Variants in CPA6 observed in about 807,000 individuals in gnomAD.
The protein encoded by CPA6 is carboxypeptidase B.
CPA6 carries 58 observed loss-of-function variants against 63.3 expected under a neutral mutation model. The observed-to-expected ratio is 0.92, with a 90% CI of 0.74 to 1.14. The LOEUF is 1.14. Among genes scored for constraint, CPA6 ranks in the 50% most tolerant of loss-of-function variants. The pLI is 0.00. For missense variants in CPA6, 565 were observed against 526.6 expected, an observed-to-expected ratio of 1.07 and a Z score of -0.71; for synonymous variants, 185 against 179.0, an observed-to-expected ratio of 1.03 and a Z score of -0.27.
chr8:67,610,060 A>AAAAC (rs1250381811), intron 2 of CPA6, among the ~76,000 whole-genome samples: 1 of 135,508 alleles, frequency 7.4e-6, no homozygotes, highest in Non-Finnish European at 1.6e-5. Flanking sequence ...AAAACAAAAC[A>AAAAC]AAAACCCCCC....
At chr8:67,571,433 G>A (rs1813483251) in intron 2 of CPA6, among the ~76,000 whole-genome samples, 1 of 152,152 alleles carries the variant, frequency 6.6e-6, no homozygotes, top group Admixed American at 6.5e-5. Flanking sequence ...ACATTCTCTA[G>A]GGTAGATCAT....
At chr8:67,542,259 T>C (rs1411199281) in intron 2 of CPA6, among the ~76,000 whole-genome samples, 1 of 152,244 alleles carries the variant, frequency 6.6e-6, no homozygotes, top group Non-Finnish European at 1.5e-5. Flanking sequence ...GACTGCTCTG[T>C]TCCAGTAGTC....
chr8:67,651,402 T>C lies in CPA6; in HGVS notation c.117-27151A>G, dbSNP rs192879910. Among the ~76,000 whole-genome samples, 556 of 152,316 alleles carry C rather than the reference T, an allele frequency of 3.7e-3. 3 individuals are homozygous for C. The highest frequency in any genetic ancestry group is 6.4e-3 in the Non-Finnish European group (438 of 68,010). On this transcript the variant is annotated intron_variant, in intron 1 of 10. Transcript: ENST00000297770. Reference sequence around the variant, plus strand: ...ATGGCAAACATCAGAAACCTCGGCCTCTATACTGGCTTCTCTTCTGCCTCA... The same window carrying C: ...ATGGCAAACATCAGAAACCTCGGCCCCTATACTGGCTTCTCTTCTGCCTCA...
In CPA6 at chr8:67,632,948, A is replaced by G. The variant is rs900626491; in HGVS notation, c.117-8697T>C. On this transcript the variant is annotated intron_variant, in intron 1 of 10. Coordinates refer to ENST00000297770, the MANE Select transcript of CPA6 (RefSeq NM_020361.5). ...TATACCTATTAAGCATATTGATTAT[A>G]TGATTTTCATTTACTGTGTCCTTAT... Among the ~76,000 whole-genome samples, 10 of 152,238 alleles carry G rather than the reference A, an allele frequency of 6.6e-5. No individual in the cohort carries two copies. In the East Asian group the frequency reaches 1.5e-3, roughly 23 times the overall value.
At chr8:67,511,490 T>G (rs764839895) in intron 4 of CPA6, 51 bp downstream of exon 4, 2 of 1,010,172 alleles carry the variant, frequency 2.0e-6, no homozygotes, top group Non-Finnish European at 3.2e-6. Context: ...TAGACCTAAA[T>G]GATAAAGATG....
chr8:67,518,140 G>GT, intron 2 of CPA6, 93 bp from the exon 3 acceptor site: 1 of 1,206,590 alleles, frequency 8.3e-7, no homozygotes, highest in South Asian at 2.0e-5. Flanking sequence ...TTTGCATATA[G>GT]TAACACCAAA....
intron 2 of CPA6, among the ~76,000 whole-genome samples, chr8:67,584,424 C>G (rs902097344): frequency 2.0e-5 from 3 of 152,030 alleles, no homozygotes; most frequent in African/African-American, 7.3e-5. Context: ...GGCTTGGGTG[C>G]AGATGTGAAG....
chr8:67,601,713 T>C (rs899512261), intron 2 of CPA6, among the ~76,000 whole-genome samples: 1 of 152,218 alleles, frequency 6.6e-6, no homozygotes, highest in Non-Finnish European at 1.5e-5. Flanking sequence ...CTGAGTTAAA[T>C]AGCTTGATTG....
chr8:67,484,285 G>C (rs1811426717), intron 7 of CPA6, among the ~76,000 whole-genome samples: 1 of 151,520 alleles, frequency 6.6e-6, no homozygotes, highest in South Asian at 2.1e-4. Context: ...TGTTAGCCAG[G>C]ATGGTCTCGA....
chr8:67,453,133 G>A (rs1004506542), intron 8 of CPA6, among the ~76,000 whole-genome samples: 29 of 151,852 alleles, frequency 1.9e-4, no homozygotes, highest in Admixed American at 1.8e-3. Flanking sequence ...GTGGCAGGGG[G>A]GCAAGGGTAG....
chr8:67,726,296 T>G (rs994959568), intron 1 of CPA6, among the ~76,000 whole-genome samples: 1 of 152,164 alleles, frequency 6.6e-6, no homozygotes, highest in Non-Finnish European at 1.5e-5. Context: ...AAGAGGAATT[T>G]TATCAAGCAG....
At chr8:67,631,626 A>G (rs572096896) in intron 1 of CPA6, among the ~76,000 whole-genome samples, 2 of 152,342 alleles carry the variant, frequency 1.3e-5, no homozygotes, top group African/African-American at 4.8e-5. Context: ...AGGGAATAAA[A>G]GCAGGCTGTG....
In CPA6 at chr8:67,595,664, C is replaced by T. The variant is rs575845964; in HGVS notation, c.192+28512G>A. On this transcript the variant is annotated intron_variant, in intron 2 of 10. Coordinates refer to ENST00000297770, the MANE Select transcript of CPA6 (RefSeq NM_020361.5). Reference sequence around the variant, plus strand: ...GCTGTGCTAGCAATCAGCGAGACTCCGTGGGTGTAGGACCTTCCGAGCCAG... The same window carrying T: ...GCTGTGCTAGCAATCAGCGAGACTCTGTGGGTGTAGGACCTTCCGAGCCAG... 1.2e-3 allele frequency among the ~76,000 whole-genome samples: 186 copies of T among 152,154 alleles called. 1 individual carries two copies. Among genetic ancestry groups the T allele is most frequent in the African/African-American group, 3.9e-3 (162 of 41,434 alleles).
intron 2 of CPA6, among the ~76,000 whole-genome samples, chr8:67,546,276 A>G (rs1812817219): frequency 6.6e-6 from 1 of 152,228 alleles, no homozygotes; most frequent in Admixed American, 6.5e-5. Context: ...TTCCTGGTAA[A>G]TCTGCCCCTG....
chr8:67,733,188 C>A (rs1458124060), intron 1 of CPA6, among the ~76,000 whole-genome samples: 10 of 87,584 alleles, frequency 1.1e-4, no homozygotes, highest in African/African-American at 5.9e-4. Flanking sequence ...CAGAGCGAGA[C>A]TCCATCTCAA....
chr8:67,431,161 T>C (rs1810019199), intron 9 of CPA6, among the ~76,000 whole-genome samples: 1 of 151,654 alleles, frequency 6.6e-6, no homozygotes, highest in Admixed American at 6.6e-5. Flanking sequence ...ATCCATTTTA[T>C]GCCACATGTT....
At chr8:67,535,265 C>T (rs181263609) in intron 2 of CPA6, among the ~76,000 whole-genome samples, 314 of 152,198 alleles carry the variant, frequency 2.1e-3, no homozygotes, top group Non-Finnish European at 3.8e-3. Flanking sequence ...GGTTCTAGAT[C>T]CTTGAGGAAT....
intron 2 of CPA6, among the ~76,000 whole-genome samples, chr8:67,553,428 T>C (rs1812993594): frequency 6.6e-6 from 1 of 152,156 alleles, no homozygotes; most frequent in South Asian, 2.1e-4. Flanking sequence ...TATTATAAGT[T>C]CTCAAGCTAA....
intron 2 of CPA6, among the ~76,000 whole-genome samples, chr8:67,561,630 C>G (rs1050474330): frequency 6.6e-6 from 1 of 152,120 alleles, no homozygotes; most frequent in African/African-American, 2.4e-5. Context: ...TGATTCTGTA[C>G]TAGATGCTTT....
Sources: gnomAD v4.1 joint callset for allele counts (sites outside exome capture counted in the v4.1 genomes callset) on GRCh38, gnomAD v4.1.1 for gene constraint, MANE v1.5 for transcripts, NCBI Gene and HGNC (gene_info 2026-07-23, HGNC 2026-07-21) for gene names.